The following NSD1 variants were observed in gnomAD, a reference collection of about 807,000 sequenced individuals.
NSD1 encodes histone-lysine N-methyltransferase, H3 lysine-36 specific.
NSD1 carries 26 observed loss-of-function variants against 242.7 expected under a neutral mutation model. That is an observed-to-expected ratio of 0.11 (90% CI 0.08 to 0.15). The LOEUF is 0.15. Among genes scored for constraint, NSD1 ranks in the 10% least tolerant of loss-of-function variants. The pLI is 1.00. For missense variants in NSD1, 2,495 were observed against 3,272.8 expected, an observed-to-expected ratio of 0.76 and a Z score of 5.80; for synonymous variants, 1,106 against 1,178.1, an observed-to-expected ratio of 0.94 and a Z score of 1.25.
chr5:177,281,612 C>T (rs1240466502), intron 18 of NSD1, among the ~76,000 whole-genome samples: 1 of 152,030 alleles, frequency 6.6e-6, no homozygotes, highest in Non-Finnish European at 1.5e-5. Flanking sequence ...AGATGTGTGA[C>T]AAAGGAACTG....
At chr5:177,164,470 T>C (rs1759018161) in intron 2 of NSD1, among the ~76,000 whole-genome samples, 1 of 152,052 alleles carries the variant, frequency 6.6e-6, no homozygotes, top group Non-Finnish European at 1.5e-5. Context: ...AAATGTAACG[T>C]CTGTCTAGTA....
chr5:177,153,959 C>T (rs1406038859), intron 2 of NSD1, among the ~76,000 whole-genome samples: 1 of 152,080 alleles, frequency 6.6e-6, no homozygotes, highest in Non-Finnish European at 1.5e-5. Context: ...TATTTATTAT[C>T]TCACATTTTG....
chr5:177,215,308 C>A (rs1763685671), intron 5 of NSD1, among the ~76,000 whole-genome samples: 1 of 150,756 alleles, frequency 6.6e-6, no homozygotes, highest in South Asian at 2.1e-4. Flanking sequence ...TTTCAAGTAG[C>A]TGGGATTACA....
intron 5 of NSD1, among the ~76,000 whole-genome samples, chr5:177,234,381 T>C (rs936084814): frequency 1.3e-5 from 2 of 152,184 alleles, no homozygotes; most frequent in Non-Finnish European, 2.9e-5. Context: ...CAGAGCAGTG[T>C]TCATTCATAA....
Position 177,269,597 on chromosome 5 carries a change from C to T in NSD1, c.5304-5C>T. 3 of 1,613,960 alleles carry T rather than the reference C, an allele frequency of 1.9e-6. No homozygotes were observed. Among genetic ancestry groups the T allele is most frequent in the South Asian group, 2.2e-5 (2 of 91,070 alleles). On this transcript the variant is annotated splice_polypyrimidine_tract_variant and splice_region_variant and intron_variant, in intron 15 of 22. Transcript: ENST00000439151. This position sits in a 1 kb window ranked among gnomAD's most constrained non-coding sequence, Gnocchi z 5.1. Reference sequence around the variant, plus strand: ...GGTTTTCCTTCTCCTTTTCACCTTTCCCAGGTGGTGGCCAGCTGAGATCTG... The same window carrying T: ...GGTTTTCCTTCTCCTTTTCACCTTTTCCAGGTGGTGGCCAGCTGAGATCTG...
chr5:177,263,706 A>C (rs1374816592), intron 14 of NSD1, among the ~76,000 whole-genome samples: 1 of 152,238 alleles, frequency 6.6e-6, no homozygotes, highest in Non-Finnish European at 1.5e-5. Flanking sequence ...TGAACTATCC[A>C]CATTGTTCAT....
intron 3 of NSD1, among the ~76,000 whole-genome samples, chr5:177,200,735 T>TTC (rs538510483): frequency 6.6e-6 from 1 of 152,128 alleles, no homozygotes; most frequent in Non-Finnish European, 1.5e-5. Flanking sequence ...CTGAATTTCT[T>TTC]TCTCTCTCTC....
chr5:177,278,698 C>T (rs780208346), intron 17 of NSD1, among the ~76,000 whole-genome samples: 4 of 152,178 alleles, frequency 2.6e-5, no homozygotes, highest in Non-Finnish European at 5.9e-5. Context: ...CTGTACTATA[C>T]ATATATTTCT....
At chr5:177,288,165 TGACAGAAA>T (rs1226297824) in intron 20 of NSD1, among the ~76,000 whole-genome samples, 3 of 152,346 alleles carry the variant, frequency 2.0e-5, no homozygotes, top group South Asian at 4.1e-4. Flanking sequence ...AATGGACCTT[TGACAGAAA>T]GAGAGAAAGA....
intron 2 of NSD1, among the ~76,000 whole-genome samples, chr5:177,174,800 T>C (rs191138009): frequency 6.0e-4 from 90 of 148,944 alleles, no homozygotes; most frequent in Non-Finnish European, 6.1e-4. Flanking sequence ...TGAGCTCAGG[T>C]GATCTGCCCA....
chr5:177,148,580 A>T (rs1217476986), intron 2 of NSD1, among the ~76,000 whole-genome samples: 1 of 151,752 alleles, frequency 6.6e-6, no homozygotes, highest in Non-Finnish European at 1.5e-5. Flanking sequence ...GCACACCACC[A>T]CACCAGGCTA....
At position 177,210,272 on chromosome 5, in the gene NSD1, G is replaced by A. The variant is rs1286331975; in HGVS notation, c.1873G>A (p.Gly625Arg). 2 of 1,607,670 alleles carry A rather than the reference G, an allele frequency of 1.2e-6. No individual in the cohort carries two copies. Among genetic ancestry groups the A allele is most frequent in the Non-Finnish European group, 1.7e-6 (2 of 1,176,542 alleles). ...TTCAAAAGTGAAGCTCTGCTATATT[G>A]GAGCAGGTGATGAGGAAAAGCGAAG... is the stretch of plus-strand genomic sequence containing the variant. ...CGSKVKLCYIGAGDEEKRSDS... is the reference protein window; with the variant it reads ...CGSKVKLCYIRAGDEEKRSDS... Residue 625 changes from glycine (G) to arginine (R), a missense_variant, in exon 5 of 23, where the codon GGA becomes AGA. Coordinates refer to ENST00000439151, the MANE Select transcript of NSD1 (RefSeq NM_022455.5).
chr5:177,228,894 C>A (rs946583204), intron 5 of NSD1, among the ~76,000 whole-genome samples: 2 of 152,150 alleles, frequency 1.3e-5, no homozygotes, highest in African/African-American at 4.8e-5. Context: ...CGGAGCATTT[C>A]TACCATCCCA....
chr5:177,243,137 A>C (rs547230097), intron 8 of NSD1, among the ~76,000 whole-genome samples: 1 of 152,278 alleles, frequency 6.6e-6, no homozygotes, highest in South Asian at 2.1e-4. Flanking sequence ...GTCTCTGTCA[A>C]ATCTAATAGC....
At chr5:177,132,158 C>A (rs1442132085), upstream of NSD1, among the ~76,000 whole-genome samples, 1 of 152,096 alleles carries the variant, frequency 6.6e-6, no homozygotes, top group Non-Finnish European at 1.5e-5. This position sits in a 1 kb window ranked among gnomAD's most constrained non-coding sequence, Gnocchi z 7.5. Context: ...CGCCAGCGGG[C>A]TTGTCCCGGC....
chr5:177,260,427 G>T (rs147065155), intron 14 of NSD1, among the ~76,000 whole-genome samples: 114 of 137,946 alleles, frequency 8.3e-4, no homozygotes, highest in African/African-American at 3.0e-3. Context: ...GCTAACTGCA[G>T]CCTCCACCTC....
chr5:177,236,058 T>A (rs1263691429), intron 6 of NSD1, 113 bp downstream of exon 6: 1 of 1,204,418 alleles, frequency 8.3e-7, no homozygotes. Flanking sequence ...GAGATCTTGT[T>A]TTTTATTCTC....
chr5:177,235,418 C>A (rs548365591), intron 5 of NSD1, among the ~76,000 whole-genome samples: 74 of 152,128 alleles, frequency 4.9e-4, no homozygotes, highest in East Asian at 3.5e-3. Flanking sequence ...TGATCCCAAG[C>A]GTTTCAGATA....
intron 2 of NSD1, among the ~76,000 whole-genome samples, chr5:177,186,598 T>C (rs994812038): frequency 4.6e-5 from 7 of 152,152 alleles, no homozygotes; most frequent in African/African-American, 1.7e-4. Flanking sequence ...TAGTTAGAGT[T>C]GTAGAGATGT....
Sources: gnomAD v4.1 joint callset for allele counts (sites outside exome capture counted in the v4.1 genomes callset) on GRCh38, gnomAD v4.1.1 for gene constraint, Gnocchi (gnomAD v3.1) non-coding constraint, MANE v1.5 for transcripts, NCBI Gene and HGNC (gene_info 2026-07-23, HGNC 2026-07-21) for gene names.